COL7A1: variants seen among roughly 807,000 people sequenced by gnomAD.
COL7A1 encodes collagen type VII alpha 1 chain, also known as collagen alpha-1(VII) chain.
COL7A1 carries 296 observed loss-of-function variants against 456.2 expected under a neutral mutation model. The ratio of observed to expected loss-of-function variants is 0.65; its 90% CI spans 0.59 to 0.71. The LOEUF (loss-of-function observed/expected upper bound fraction) is 0.71, where lower values mean the gene tolerates loss of function less well. COL7A1 is among the 30% of genes least tolerant of loss of function. The probability of loss-of-function intolerance (pLI) is 0.00; values close to 1 mark genes in which losing one functional copy is unlikely to be tolerated. For synonymous variants in COL7A1, 1,464 were observed against 1,525.9 expected (o/e 0.96, Z 0.95); for missense variants, 3,441 against 4,017.2 (o/e 0.86, Z 3.88).
Position 48,591,495 on chromosome 3 carries a change from G to C in COL7A1, c.1605C>G (p.Thr535=), listed in dbSNP as rs1351168464. ...TGCTGCGCACAATGATGCGGTACTG[G>C]GTGGCACCAGGGACTGGGCTCCAGG... ...RVSWSPVPGA[T]QYRIIVRSTQ... is the part of the protein sequence containing the mutation. Residue 535 remains threonine, a synonymous_variant, in exon 13 of 119, where the codon ACC becomes ACG. Transcript: ENST00000681320. This position sits in a 1 kb window ranked among gnomAD's most constrained non-coding sequence, Gnocchi z 7.0. 1.2e-6 allele frequency: 2 copies of C among 1,614,056 alleles called. No individual in the cohort carries two copies. The highest frequency in any genetic ancestry group is 1.7e-4 in the Middle Eastern group (1 of 6,046).
chr3:48,582,728 G>C (rs2044861069), intron 44 of COL7A1, 75 bp from the exon 45 acceptor site: 1 of 1,516,484 alleles, frequency 6.6e-7, no homozygotes, highest in South Asian at 1.1e-5. Context: ...TAGAGGCTGG[G>C]GTGGGGGCTG....
chr3:48,594,685 G>T lies in COL7A1; in HGVS notation c.86-137C>A. 1 of 1,071,626 alleles carries T rather than the reference G, an allele frequency of 9.3e-7. No individual in the cohort carries two copies. Among genetic ancestry groups the T allele is most frequent in the Non-Finnish European group, 1.3e-6 (1 of 745,526 alleles). The allele number at this position is 1,071,626 out of a possible 1,614,324, so 66.4% of individuals were successfully genotyped here. A position where few individuals can be genotyped will look rare whatever the true frequency, so the allele number is the denominator to read the frequency against. On this transcript the variant is annotated intron_variant, in intron 2 of 118. Coordinates refer to ENST00000681320, the MANE Select transcript of COL7A1 (RefSeq NM_000094.4). This position sits in a 1 kb window ranked among gnomAD's most constrained non-coding sequence, Gnocchi z 5.5. ...GCAAACCAGGGCCGAATCGGCCTGA[G>T]CCTGAGGGCCTTGGAGGGAGTTGAG...
In COL7A1 at chr3:48,586,542, C is replaced by A; in HGVS notation, c.3403+21G>T. The A allele has an allele frequency of 6.2e-7, 1 of 1,613,740 alleles. No individual in the cohort carries two copies. The highest frequency in any genetic ancestry group is 1.1e-5 in the South Asian group (1 of 91,076). On this transcript the variant is annotated intron_variant, in intron 26 of 118. Transcript: ENST00000681320. The surrounding 1 kb of genome is among the most constrained non-coding windows in gnomAD (Gnocchi z 5.1). ...CTCCCAGTGGATAGCCCCAGGAGTC[C>A]ATGCCTGCTGCAGTCCTCACCCAGG...
At position 48,575,906 on chromosome 3, in the gene COL7A1, G is replaced by A. The variant is rs2044267658; in HGVS notation, c.5821-4C>T. ...TTTCCAGCAACCGATCCACATTCTGGGGACAAAGTCTGGGTGAAGGGCTGC... is the reference window on the plus strand; with the variant it reads ...TTTCCAGCAACCGATCCACATTCTGAGGACAAAGTCTGGGTGAAGGGCTGC... On this transcript the variant is annotated splice_polypyrimidine_tract_variant and splice_region_variant and intron_variant, in intron 71 of 118. Transcript: ENST00000681320. The surrounding 1 kb of genome is among the most constrained non-coding windows in gnomAD (Gnocchi z 6.3). 6.2e-7 allele frequency: 1 copy of A among 1,614,144 alleles called. No homozygotes were observed. The highest frequency in any genetic ancestry group is 2.2e-5 in the East Asian group (1 of 44,880).
chr3:48,581,403 G>A lies in COL7A1; in HGVS notation c.4818+45C>T. On this transcript the variant is annotated intron_variant, in intron 51 of 118. Transcript: ENST00000681320. This position sits in a 1 kb window ranked among gnomAD's most constrained non-coding sequence, Gnocchi z 5.8. ...CGAAGCAAGCAGTTCTCAAGGGGAG[G>A]GGACCCCAGAAGCCTTGAGGTTGCC... 1.2e-6 allele frequency: 2 copies of A among 1,613,844 alleles called. No homozygotes were observed. Among genetic ancestry groups the A allele is most frequent in the Non-Finnish European group, 1.7e-6 (2 of 1,179,964 alleles).
At position 48,576,916 on chromosome 3, in the gene COL7A1, C is replaced by T. The variant is rs147633212; in HGVS notation, c.5572G>A (p.Glu1858Lys). 845 of 1,613,966 alleles carry T rather than the reference C, an allele frequency of 5.2e-4. No homozygotes were observed. Among genetic ancestry groups the T allele is most frequent in the Middle Eastern group, 1.3e-3 (8 of 6,084 alleles). The part of the protein sequence containing the change: ...GDPGEDGRKG[E>K]KGDSGASGRE... ...CCAGAGGCGCCTGAATCTCCTTTCTCTCCCTAAGGAAGACAAGGATGCTTC... is the reference window on the plus strand; with the variant it reads ...CCAGAGGCGCCTGAATCTCCTTTCTTTCCCTAAGGAAGACAAGGATGCTTC... The change falls in exon 67 of 119, where the codon GAG (glutamate) becomes AAG (lysine). Residue 1858 changes from glutamate (E) to lysine (K), a missense_variant. Around this residue, in one of 3 missense-constraint regions of COL7A1, gnomAD observed 2,084 missense variants for 2,501.3 expected, o/e 0.83. Transcript: ENST00000681320.
Position 48,571,760 on chromosome 3 carries a change from C to T in COL7A1, c.7068+241G>A. 1 of 633,676 alleles carries T rather than the reference C, an allele frequency of 1.6e-6. No homozygotes were observed. Among genetic ancestry groups the T allele is most frequent in the Non-Finnish European group, 2.9e-6 (1 of 349,298 alleles). 39.3% of individuals were successfully genotyped at this position (633,676 alleles called of 1,614,324 possible). On this transcript the variant is annotated intron_variant, in intron 92 of 118. Transcript: ENST00000681320. The surrounding 1 kb of genome is among the most constrained non-coding windows in gnomAD (Gnocchi z 4.6). ...GATCAGACCAGAGCACACGTGTGCC[C>T]AGATGTGGTGAGAAACAGACCAAGG...
chr3:48,569,872 G>A lies in COL7A1; in HGVS notation c.7521+8C>T, dbSNP rs773052563. ...CCACTCATGCCAGGACCTTCCCCAC[G>A]TTCCTACCTTCTCCCCACGCTCTCC... On this transcript the variant is annotated splice_region_variant and intron_variant, in intron 100 of 118. Coordinates refer to ENST00000681320, the MANE Select transcript of COL7A1 (RefSeq NM_000094.4). The surrounding 1 kb of genome is among the most constrained non-coding windows in gnomAD (Gnocchi z 4.9). The A allele has an allele frequency of 1.4e-5, 22 of 1,613,992 alleles. No individual in the cohort carries two copies. Among genetic ancestry groups the A allele is most frequent in the African/African-American group, 9.3e-5 (7 of 74,928 alleles).
Position 48,573,202 on chromosome 3 carries a change from G to A in COL7A1, c.6686C>T (p.Pro2229Leu), listed in dbSNP as rs1397883643. Residue 2229 changes from proline to leucine, a missense_variant, in exon 85 of 119, where the codon CCT becomes CTT. This residue lies in a region of COL7A1 where 2,084 missense variants were observed against 2,501.3 expected (regional missense o/e 0.83). Transcript: ENST00000681320. The surrounding 1 kb of genome is among the most constrained non-coding windows in gnomAD (Gnocchi z 5.5). ...LTGPTGAVGL[P>L]GPPGPSGLVG... ...AAGGCCTGAAGGGCCGGGGGGTCCA[G>A]GAAGTCCCACAGCTCCAGTAGGTCC... The A allele has an allele frequency of 6.2e-7, 1 of 1,614,038 alleles. No homozygotes were observed. The highest frequency in any genetic ancestry group is 2.2e-5 in the East Asian group (1 of 44,892).
rs371076755 is a variant in COL7A1, at chr3:48,569,678, C to T, written c.7558-30G>A. ...GGGGGCAGGCAGGAATCAGAGGAGT[C>T]GGGAGCACCCTGGCCCCTGCCCTGC... On this transcript the variant is annotated intron_variant, in intron 101 of 118. Transcript: ENST00000681320. The surrounding 1 kb of genome is among the most constrained non-coding windows in gnomAD (Gnocchi z 4.9). 1.7e-5 allele frequency: 27 copies of T among 1,614,072 alleles called. No homozygotes were observed. Among genetic ancestry groups the T allele is most frequent in the Admixed American group, 5.0e-5 (3 of 60,028 alleles).
In COL7A1 at chr3:48,591,728, G is replaced by A; in HGVS notation, c.1452C>T (p.Leu484=). The A allele has an allele frequency of 6.2e-7, 1 of 1,614,174 alleles. No individual in the cohort carries two copies. The highest frequency in any genetic ancestry group is 8.5e-7 in the Non-Finnish European group (1 of 1,180,010). ...CCTCGTGGCCCTCCAGCAGAGTGTAGAGTGTGAGGCGGTACTCAGTGCCCG... is the reference window on the plus strand; with the variant it reads ...CCTCGTGGCCCTCCAGCAGAGTGTAAAGTGTGAGGCGGTACTCAGTGCCCG... ...LQPGTEYRLT[L]YTLLEGHEVA... is the part of the protein sequence containing the mutation. Residue 484 remains leucine (L), a synonymous_variant, in exon 12 of 119, where the codon CTC becomes CTT. Coordinates refer to ENST00000681320, the MANE Select transcript of COL7A1 (RefSeq NM_000094.4). The surrounding 1 kb of genome is among the most constrained non-coding windows in gnomAD (Gnocchi z 7.0).
chr3:48,586,079 T>C lies in COL7A1; in HGVS notation c.3718A>G (p.Thr1240Ala), dbSNP rs1186067071. The C allele has an allele frequency of 1.2e-6, 2 of 1,613,264 alleles. No individual in the cohort carries two copies. Among genetic ancestry groups the C allele is most frequent in the African/African-American group, 2.7e-5 (2 of 74,848 alleles). The change falls in exon 28 of 119, where the codon ACT (threonine) becomes GCT (alanine). Residue 1240 changes from threonine (T) to alanine (A), a missense_variant. Transcript: ENST00000681320. The surrounding 1 kb of genome is among the most constrained non-coding windows in gnomAD (Gnocchi z 5.1). ...CCCAGAGGCCTCTTCCAAACCTGAG[T>C]AGTGAAGGATGCCTGACACAGGGCT... is the stretch of plus-strand genomic sequence containing the variant. ...ATALCQASFT[T>A]QPRPEPCPVY...
chr3:48,584,409 C>T, intron 36 of COL7A1, 34 bp from the exon 37 acceptor site: 2 of 1,613,504 alleles, frequency 1.2e-6, no homozygotes, highest in Non-Finnish European at 1.7e-6. Flanking sequence ...GGTGCAACCC[C>T]ACAGACCTCA....
Position 48,566,898 on chromosome 3 carries a change from G to A in COL7A1, c.8226+9C>T. The A allele has an allele frequency of 1.3e-6, 2 of 1,595,790 alleles. No individual in the cohort carries two copies. Among genetic ancestry groups the A allele is most frequent in the African/African-American group, 1.3e-5 (1 of 74,542 alleles). On this transcript the variant is annotated intron_variant, in intron 111 of 118. Transcript: ENST00000681320. This position sits in a 1 kb window ranked among gnomAD's most constrained non-coding sequence, Gnocchi z 5.9. ...TCAGGGATCAGGAGTCAGAGCTGGG[G>A]CCCCTTACCTTCTGGCCCTGAAGTC...
rs759277114 is a variant in COL7A1 at position 48,573,771 on chromosome 3, C to T, written c.6538-46G>A. The T allele has an allele frequency of 3.1e-6, 5 of 1,613,808 alleles. No homozygotes were observed. The African/African-American group carries it at 4.0e-5, about 13-fold the overall frequency. On this transcript the variant is annotated intron_variant, in intron 81 of 118. Transcript: ENST00000681320. This position sits in a 1 kb window ranked among gnomAD's most constrained non-coding sequence, Gnocchi z 5.5. ...CTGATGAGGGGGAGTTAGCCGCACCCCACCAAGGAAACTGAGGCAGTACTG... is the reference window on the plus strand; with the variant it reads ...CTGATGAGGGGGAGTTAGCCGCACCTCACCAAGGAAACTGAGGCAGTACTG...
rs1280722580 is a variant in COL7A1, at chr3:48,582,663, A to G, written c.4519-10T>C. 6 of 1,613,012 alleles carry G rather than the reference A, an allele frequency of 3.7e-6. No individual in the cohort carries two copies. The South Asian group carries it at 6.6e-5, about 18-fold the overall frequency. ...CAACCCCTGGCAGCCCCTGGAGGAG[A>G]GGAAGGGAAGAGCTGTGCAGGTGGG... On this transcript the variant is annotated splice_polypyrimidine_tract_variant and intron_variant, in intron 44 of 118. Transcript: ENST00000681320.
Sources: allele counts gnomAD v4.1 joint callset, GRCh38; gene constraint gnomAD v4.1.1; regional missense constraint gnomAD v4.1.1; non-coding constraint Gnocchi (gnomAD v3.1); transcripts MANE v1.5; gene names NCBI Gene and HGNC (gene_info 2026-07-23, HGNC 2026-07-21).